The following COX7B2 variants were observed in gnomAD, a reference collection of about 807,000 sequenced individuals.
COX7B2 encodes cytochrome c oxidase subunit 7B2, also known as cytochrome c oxidase subunit 7B2, mitochondrial.
For synonymous variants in COX7B2, 37 were observed against 32.1 expected (o/e 1.15, Z -0.51); for missense variants, 109 against 95.9 (o/e 1.14, Z -0.57).
intron 1 of COX7B2, among the ~76,000 whole-genome samples, chr4:46,870,492 T>A (rs1717920927): frequency 6.6e-6 from 1 of 152,000 alleles, no homozygotes; most frequent in Non-Finnish European, 1.5e-5. Flanking sequence ...GCCAGAGCAA[T>A]TAGGGAAAAG....
At chr4:46,902,399 C>T (rs1466961016) in intron 1 of COX7B2, among the ~76,000 whole-genome samples, 1 of 152,208 alleles carries the variant, frequency 6.6e-6, no homozygotes, top group South Asian at 2.1e-4. Context: ...TAATCCCTTC[C>T]ATATACCAAT....
rs556342211 is a variant in COX7B2 at position 46,781,745 on chromosome 4, C to T, written c.-49-46504G>A. ...CCAGCCAGCATGAGTTCCGGGTGGG[C>T]GCAGGCTCAGCAGGCCCCACCCTTG... On this transcript the variant is annotated intron_variant, in intron 2 of 2. Coordinates refer to ENST00000355591, the MANE Select transcript of COX7B2 (RefSeq NM_130902.3). Among the ~76,000 whole-genome samples, 564 of 152,330 alleles carry T rather than the reference C, an allele frequency of 3.7e-3. 3 individuals are homozygous for T. The highest frequency in any genetic ancestry group is 5.6e-3 in the Non-Finnish European group (379 of 68,038).
At chr4:46,862,323 T>A (rs927502313) in intron 1 of COX7B2, among the ~76,000 whole-genome samples, 4 of 152,212 alleles carry the variant, frequency 2.6e-5, no homozygotes, top group African/African-American at 9.6e-5. Context: ...AATAATTGAA[T>A]CCAGCTATAT....
intron 2 of COX7B2, among the ~76,000 whole-genome samples, chr4:46,809,422 C>T (rs1719173472): frequency 6.6e-6 from 1 of 151,638 alleles, no homozygotes; most frequent in Non-Finnish European, 1.5e-5. Context: ...TATAAACTTT[C>T]CTCTAAAACT....
chr4:46,849,765 C>T (rs1193225222), intron 1 of COX7B2, among the ~76,000 whole-genome samples: 1 of 151,870 alleles, frequency 6.6e-6, no homozygotes, highest in Non-Finnish European at 1.5e-5. Flanking sequence ...TATACATGTG[C>T]CATGTTGGTG....
intron 1 of COX7B2, among the ~76,000 whole-genome samples, chr4:46,860,320 CCAT>C (rs796737016): frequency 2.2e-4 from 33 of 152,260 alleles, no homozygotes; most frequent in African/African-American, 7.2e-4. Context: ...GTTTTCAGAG[CCAT>C]CATCTTTCTT....
chr4:46,898,388 C>T (rs531964077), intron 1 of COX7B2, among the ~76,000 whole-genome samples: 1 of 152,172 alleles, frequency 6.6e-6, no homozygotes, highest in South Asian at 2.1e-4. Context: ...CCCTAATTGG[C>T]CATCCTGATT....
At chr4:46,737,776 G>T (rs1359596464) in intron 2 of COX7B2, among the ~76,000 whole-genome samples, 1 of 152,052 alleles carries the variant, frequency 6.6e-6, no homozygotes, top group South Asian at 2.1e-4. Context: ...AGGCAACACA[G>T]ATATAAAAGG....
intron 2 of COX7B2, among the ~76,000 whole-genome samples, chr4:46,831,642 G>A (rs1715109991): frequency 6.6e-6 from 1 of 151,980 alleles, no homozygotes; most frequent in South Asian, 2.1e-4. Flanking sequence ...AGGGTTTGTG[G>A]ATGCACCAGT....
At chr4:46,836,713 G>C (rs886521751) in intron 2 of COX7B2, among the ~76,000 whole-genome samples, 2 of 152,102 alleles carry the variant, frequency 1.3e-5, no homozygotes, top group African/African-American at 4.8e-5. Context: ...AATGGTATGT[G>C]ATAGATTTGT....
chr4:46,857,663 A>G (rs971391507), intron 1 of COX7B2, among the ~76,000 whole-genome samples: 1 of 152,186 alleles, frequency 6.6e-6, no homozygotes, highest in Admixed American at 6.5e-5. Context: ...ATTTCAACAT[A>G]TTTATGTAAC....
chr4:46,878,695 C>T (rs1718508692), intron 1 of COX7B2, among the ~76,000 whole-genome samples: 1 of 152,130 alleles, frequency 6.6e-6, no homozygotes, highest in African/African-American at 2.4e-5. Context: ...AACGCTCCGT[C>T]TTCCTCAATA....
At chr4:46,782,253 G>A (rs1717503911) in intron 2 of COX7B2, among the ~76,000 whole-genome samples, 1 of 152,060 alleles carries the variant, frequency 6.6e-6, no homozygotes, top group African/African-American at 2.4e-5. Flanking sequence ...AATCTGGTGG[G>A]GACTTGGAGA....
At chr4:46,891,282 G>A (rs995272121) in intron 1 of COX7B2, among the ~76,000 whole-genome samples, 1 of 152,114 alleles carries the variant, frequency 6.6e-6, no homozygotes, top group African/African-American at 2.4e-5. Context: ...AAGATTCAAG[G>A]AATAAATAGA....
chr4:46,826,059 C>T (rs149892658), intron 2 of COX7B2, among the ~76,000 whole-genome samples: 53 of 152,192 alleles, frequency 3.5e-4, no homozygotes, highest in African/African-American at 1.2e-3. Flanking sequence ...AGCTTCTGCA[C>T]AGCAAAAGAA....
At chr4:46,820,001 A>T (rs564348623) in intron 2 of COX7B2, among the ~76,000 whole-genome samples, 20 of 152,292 alleles carry the variant, frequency 1.3e-4, no homozygotes, top group Non-Finnish European at 2.2e-4. Flanking sequence ...GACCCCCAAC[A>T]TTTTTGGTAC....
intron 1 of COX7B2, among the ~76,000 whole-genome samples, chr4:46,879,320 A>AT (rs1024359904): frequency 6.6e-6 from 1 of 151,084 alleles, no homozygotes; most frequent in African/African-American, 2.4e-5. Flanking sequence ...ACTGTGTCTA[A>AT]TTTTTTTTTC....
At chr4:46,770,392 A>G (rs545253760) in intron 2 of COX7B2, among the ~76,000 whole-genome samples, 52 of 152,330 alleles carry the variant, frequency 3.4e-4, no homozygotes, top group Admixed American at 9.8e-4. Context: ...AGTTGAAACT[A>G]AAATTGTTAA....
At chr4:46,875,427 T>C (rs989963773) in intron 1 of COX7B2, among the ~76,000 whole-genome samples, 7 of 152,186 alleles carry the variant, frequency 4.6e-5, no homozygotes, top group Non-Finnish European at 8.8e-5. Flanking sequence ...TTCCATCTTT[T>C]CAATCCTTAA....
Sources: gnomAD v4.1 joint callset for allele counts (sites outside exome capture counted in the v4.1 genomes callset) on GRCh38, gnomAD v4.1.1 for gene constraint, MANE v1.5 for transcripts, NCBI Gene and HGNC (gene_info 2026-07-23, HGNC 2026-07-21) for gene names.